NOS1: variants seen among roughly 807,000 people sequenced by gnomAD.
The protein encoded by NOS1 is nitric oxide synthase 1.
NOS1 carries 51 observed loss-of-function variants against 164.5 expected under a neutral mutation model. The observed-to-expected ratio is 0.31, with a 90% CI of 0.25 to 0.39. The LOEUF is 0.39. NOS1 is among the 10% of genes least tolerant of loss of function. The probability of loss-of-function intolerance (pLI) is 1.00; values close to 1 mark genes in which losing one functional copy is unlikely to be tolerated. For missense variants in NOS1, 1,362 were observed against 1,885.6 expected (o/e 0.72, Z 5.14); for synonymous variants, 719 against 745.8 (o/e 0.96, Z 0.59).
chr12:117,229,124 C>T (rs948114230), intron 22 of NOS1, among the ~76,000 whole-genome samples: 3 of 152,202 alleles, frequency 2.0e-5, no homozygotes, highest in African/African-American at 7.2e-5. Flanking sequence ...TGACATTGTG[C>T]TTCTCAGACC....
intron 1 of NOS1, among the ~76,000 whole-genome samples, chr12:117,336,916 C>T (rs1053614112): frequency 6.6e-6 from 1 of 151,880 alleles, no homozygotes; most frequent in Non-Finnish European, 1.5e-5. Flanking sequence ...CCTACTTCAG[C>T]CCCCTGAGTA....
chr12:117,269,865 T>C (rs60683562), intron 10 of NOS1, among the ~76,000 whole-genome samples: 1,861 of 152,312 alleles, frequency 0.012, 36 homozygotes, highest in African/African-American at 0.042. Context: ...AGAGTGGTCA[T>C]GACCTAGCAT....
At chr12:117,328,030 G>A (rs1319326656) in intron 2 of NOS1, among the ~76,000 whole-genome samples, 1 of 152,100 alleles carries the variant, frequency 6.6e-6, no homozygotes, top group African/African-American at 2.4e-5. Context: ...GGAGGAAGGT[G>A]CATGCCAAGC....
At chr12:117,283,804 CA>C in intron 7 of NOS1, among the ~76,000 whole-genome samples, 1 of 129,086 alleles carries the variant, frequency 7.7e-6, no homozygotes, top group East Asian at 2.5e-4. Context: ...TGCAGTGAGC[CA>C]AGATTGTGCC....
At chr12:117,280,122 C>T (rs376620197) in intron 8 of NOS1, among the ~76,000 whole-genome samples, 1 of 152,158 alleles carries the variant, frequency 6.6e-6, no homozygotes, top group Admixed American at 6.5e-5. Context: ...GTGCTACCTG[C>T]CCGCACTACC....
intron 3 of NOS1, among the ~76,000 whole-genome samples, chr12:117,299,006 G>A (rs1274534735): frequency 1.3e-5 from 2 of 151,804 alleles, no homozygotes; most frequent in Non-Finnish European, 3.0e-5. Context: ...CCTGAAATGA[G>A]GGCAGCACAC....
At chr12:117,218,408 T>C (rs1216140367) in intron 27 of NOS1, among the ~76,000 whole-genome samples, 2 of 152,018 alleles carry the variant, frequency 1.3e-5, no homozygotes, top group Non-Finnish European at 2.9e-5. Flanking sequence ...AACATTTAGG[T>C]TGCCATCTGG....
intron 2 of NOS1, among the ~76,000 whole-genome samples, chr12:117,325,811 T>C (rs1400303297): frequency 6.6e-6 from 1 of 152,258 alleles, no homozygotes; most frequent in East Asian, 1.9e-4. Flanking sequence ...GCTGTTGTGT[T>C]TGCTGTGATT....
At chr12:117,332,165 T>C (rs894958281) in intron 1 of NOS1, among the ~76,000 whole-genome samples, 1 of 152,156 alleles carries the variant, frequency 6.6e-6, no homozygotes, top group East Asian at 1.9e-4. Context: ...AGGGGAAACA[T>C]AGGAACATTG....
At chr12:117,295,315 A>T (rs1166680316) in intron 3 of NOS1, among the ~76,000 whole-genome samples, 3 of 152,232 alleles carry the variant, frequency 2.0e-5, no homozygotes, top group African/African-American at 7.2e-5. Context: ...AATCAAAAGG[A>T]GAATATTTTG....
chr12:117,214,891 C>A lies in NOS1; in HGVS notation c.*418G>T. On this transcript the variant is annotated 3_prime_UTR_variant, in exon 29 of 29. Transcript: ENST00000317775. ...CAGGCACGCACAACCAAAATGTCAT[C>A]ATAAAAAAGGAGAAAGGGGGACTTC... 4 of 996,968 alleles carry A rather than the reference C, an allele frequency of 4.0e-6. No individual in the cohort carries two copies. The highest frequency in any genetic ancestry group is 4.8e-6 in the Non-Finnish European group (4 of 838,484). 61.8% of individuals were successfully genotyped at this position (996,968 alleles called of 1,614,324 possible). A position where few individuals can be genotyped will look rare whatever the true frequency, so the allele number is the denominator to read the frequency against.
intron 7 of NOS1, among the ~76,000 whole-genome samples, chr12:117,281,864 C>G (rs1235207515): frequency 1.3e-5 from 2 of 149,424 alleles, no homozygotes; most frequent in Non-Finnish European, 3.0e-5. Flanking sequence ...GAATGCACTA[C>G]AGAATCCCGA....
Position 117,247,640 on chromosome 12 carries a change from T to A in NOS1, c.2649-118A>T, listed in dbSNP as rs41457644. ...TTCATATATTAAAACTCTAATCTCC[T>A]CACAATTGTATTTTGAGATAGGGCC... On this transcript the variant is annotated intron_variant, in intron 17 of 28. Transcript: ENST00000317775. The A allele has an allele frequency of 5.3e-5, 46 of 862,040 alleles. No individual in the cohort carries two copies. The African/African-American group carries it at 7.3e-4, about 14-fold the overall frequency. 53.4% of individuals were successfully genotyped at this position (862,040 alleles called of 1,614,324 possible).
chr12:117,326,119 C>T (rs926578863), intron 2 of NOS1, among the ~76,000 whole-genome samples: 2 of 150,532 alleles, frequency 1.3e-5, no homozygotes, highest in Non-Finnish European at 3.0e-5. Context: ...GGCATGGTGG[C>T]TCACTCCTGT....
chr12:117,243,485 C>A lies in NOS1; in HGVS notation c.2824-50G>T, dbSNP rs749782677. On this transcript the variant is annotated intron_variant, in intron 18 of 28. Coordinates refer to ENST00000317775, the MANE Select transcript of NOS1 (RefSeq NM_000620.5). The surrounding 1 kb of genome is among the most constrained non-coding windows in gnomAD (Gnocchi z 4.3). ...TGACCTCTTTCAGCCAAGCGGATCT[C>A]CTCTCCAACAGCTCCAAGTCATGGC... The A allele has an allele frequency of 7.5e-6, 12 of 1,601,942 alleles. No individual in the cohort carries two copies. Among genetic ancestry groups the A allele is most frequent in the Non-Finnish European group, 1.0e-5 (12 of 1,172,914 alleles).
chr12:117,343,752 C>A (rs1350819810), intron 1 of NOS1, among the ~76,000 whole-genome samples: 2 of 152,188 alleles, frequency 1.3e-5, no homozygotes, highest in African/African-American at 4.8e-5. Flanking sequence ...CCTCTCATGC[C>A]TGGCATCCTT....
rs1956581726 is a variant in NOS1, at chr12:117,214,962, G to A, written c.*347C>T. On this transcript the variant is annotated 3_prime_UTR_variant, in exon 29 of 29. Coordinates refer to ENST00000317775, the MANE Select transcript of NOS1 (RefSeq NM_000620.5). ...AGAGAGCTTGTGCCTAGTTCCTGCA[G>A]CCTTTCCAGGGGAACCCCAGAGAAA... 1.9e-6 allele frequency: 2 copies of A among 1,073,646 alleles called. No individual in the cohort carries two copies. The highest frequency in any genetic ancestry group is 1.2e-4 in the East Asian group (2 of 16,660). The allele number at this position is 1,073,646 out of a possible 1,614,324, so 66.5% of individuals were successfully genotyped here. A position where few individuals can be genotyped will look rare whatever the true frequency, so the allele number is the denominator to read the frequency against.
intron 2 of NOS1, among the ~76,000 whole-genome samples, chr12:117,314,098 C>T (rs1874567610): frequency 6.6e-6 from 1 of 152,234 alleles, no homozygotes. Flanking sequence ...CCCAGATCCC[C>T]TGCCTGCAGT....
At chr12:117,274,425 T>C (rs1202505949) in intron 9 of NOS1, among the ~76,000 whole-genome samples, 2 of 151,804 alleles carry the variant, frequency 1.3e-5, no homozygotes, top group African/African-American at 2.4e-5. Context: ...AAACTGCAAA[T>C]AGAACTACCA....
Sources: allele counts gnomAD v4.1 joint callset (sites outside exome capture counted in the v4.1 genomes callset), GRCh38; gene constraint gnomAD v4.1.1; non-coding constraint Gnocchi (gnomAD v3.1); transcripts MANE v1.5; gene names NCBI Gene and HGNC (gene_info 2026-07-23, HGNC 2026-07-21).